ZC3H13: variants seen among roughly 807,000 people sequenced by gnomAD.
ZC3H13 encodes zinc finger CCCH domain-containing protein 13.
In ZC3H13, 64 loss-of-function variants were observed where a neutral mutation model predicts 204.1. The observed-to-expected ratio is 0.31, with a 90% confidence interval of 0.26 to 0.39. The LOEUF is 0.39. Among genes scored for constraint, ZC3H13 ranks in the 10% least tolerant of loss-of-function variants. The pLI, the probability that ZC3H13 is intolerant of heterozygous loss-of-function variation, is 1.00. For missense variants in ZC3H13, 1,833 were observed against 2,082.7 expected, an observed-to-expected ratio of 0.88 and a Z score of 2.33; for synonymous variants, 667 against 693.7, an observed-to-expected ratio of 0.96 and a Z score of 0.60.
chr13:46,027,717 A>G (rs948710147), intron 4 of ZC3H13, among the ~76,000 whole-genome samples: 1 of 152,190 alleles, frequency 6.6e-6, no homozygotes, highest in Non-Finnish European at 1.5e-5. Context: ...TTATAGATGA[A>G]GTAGTATAGT....
In ZC3H13 at chr13:45,985,700, A is replaced by T; in HGVS notation, c.1317T>A (p.Asp439Glu). The change falls in exon 10 of 19, where the codon GAT becomes GAA. Residue 439 changes from aspartate to glutamate, a missense_variant. Asp to Glu is a conservative substitution (Grantham distance 45). Transcript: ENST00000679008. The stretch of plus-strand genomic sequence containing the variant: ...CTCTGTGGTCTCTAGAAGAGCTCTG[A>T]TCCTGTTCATATTCTCGTTCTTCTC... ...DSREEREYEQ[D>E]QSSSRDHRDD... 3.1e-6 allele frequency: 5 copies of T among 1,613,110 alleles called. No individual in the cohort carries two copies. Among genetic ancestry groups the T allele is most frequent in the Non-Finnish European group, 4.2e-6 (5 of 1,179,744 alleles).
intron 17 of ZC3H13, among the ~76,000 whole-genome samples, chr13:45,960,210 G>A (rs1364299511): frequency 6.6e-6 from 1 of 151,986 alleles, no homozygotes; most frequent in Non-Finnish European, 1.5e-5. Flanking sequence ...GCCTGCCTCG[G>A]CCTCCCAAAG....
At chr13:45,996,602 C>T (rs2040350311) in intron 8 of ZC3H13, among the ~76,000 whole-genome samples, 1 of 152,192 alleles carries the variant, frequency 6.6e-6, no homozygotes, top group Non-Finnish European at 1.5e-5. Context: ...TATGCACTTG[C>T]TCGCTGATCA....
chr13:46,008,552 T>C (rs975988561), intron 7 of ZC3H13, among the ~76,000 whole-genome samples: 2 of 152,134 alleles, frequency 1.3e-5, no homozygotes, highest in Non-Finnish European at 2.9e-5. Context: ...AGATTGTATG[T>C]AAAAGATGAA....
intron 2 of ZC3H13, among the ~76,000 whole-genome samples, 163 bp downstream of exon 2, chr13:46,045,228 A>T (rs538368903): frequency 2.0e-5 from 3 of 152,228 alleles, no homozygotes; most frequent in Non-Finnish European, 4.4e-5. Context: ...AAAACCCATA[A>T]ACCTTATCAC....
chr13:46,006,582 GGT>G (rs1160090061), intron 7 of ZC3H13, among the ~76,000 whole-genome samples: 1 of 149,958 alleles, frequency 6.7e-6, no homozygotes, highest in Non-Finnish European at 1.5e-5. Flanking sequence ...TCATACATCT[GGT>G]GAGTTTTCAC....
chr13:46,036,539 C>A (rs2043219549), intron 4 of ZC3H13, among the ~76,000 whole-genome samples: 1 of 151,042 alleles, frequency 6.6e-6, no homozygotes, highest in Non-Finnish European at 1.5e-5. Context: ...GGAAAGAGAA[C>A]AACATTGTGA....
At chr13:46,021,699 T>C (rs910525826) in intron 4 of ZC3H13, among the ~76,000 whole-genome samples, 2 of 151,776 alleles carry the variant, frequency 1.3e-5, no homozygotes, top group African/African-American at 4.8e-5. Flanking sequence ...GTAAGTTATA[T>C]GAGAATAAAA....
intron 4 of ZC3H13, among the ~76,000 whole-genome samples, chr13:46,031,555 C>A (rs2042899939): frequency 6.6e-6 from 1 of 151,912 alleles, no homozygotes; most frequent in South Asian, 2.1e-4. Context: ...AGGACTGTTA[C>A]CAAAAACATA....
chr13:45,975,144 T>C lies in ZC3H13; in HGVS notation c.2468+139A>G, dbSNP rs1298525972. Reference sequence around the variant, plus strand: ...AAAAAACTTTAAACACCGATACATATACTAAATTTGAAAAACAGGAAAATA... The same window carrying C: ...AAAAAACTTTAAACACCGATACATACACTAAATTTGAAAAACAGGAAAATA... On this transcript the variant is annotated intron_variant, in intron 12 of 18. Transcript: ENST00000679008. 8 of 1,348,164 alleles carry C rather than the reference T, an allele frequency of 5.9e-6. No individual in the cohort carries two copies. The South Asian group carries it at 6.1e-5, about 10-fold the overall frequency. The allele number at this position is 1,348,164 out of a possible 1,614,324, so 83.5% of individuals were successfully genotyped here.
chr13:46,048,637 G>A (rs183048468), intron 1 of ZC3H13, among the ~76,000 whole-genome samples: 1 of 142,598 alleles, frequency 7.0e-6, no homozygotes, highest in Non-Finnish European at 1.5e-5. Flanking sequence ...GACTTGCTAT[G>A]AAAGACAATC....
intron 10 of ZC3H13, among the ~76,000 whole-genome samples, chr13:45,982,844 G>A (rs1476784129): frequency 6.6e-6 from 1 of 152,136 alleles, no homozygotes; most frequent in African/African-American, 2.4e-5. Flanking sequence ...TTAGATTTTG[G>A]AGCATTTCAG....
chr13:46,045,985 A>G (rs926647591), intron 1 of ZC3H13, among the ~76,000 whole-genome samples: 3 of 152,238 alleles, frequency 2.0e-5, no homozygotes, highest in Non-Finnish European at 4.4e-5. Context: ...AGCAGAAATT[A>G]TGTTTCATAA....
rs1175098333 is a variant in ZC3H13 at position 45,983,424 on chromosome 13, T to A, written c.1720+1873A>T. Among the ~76,000 whole-genome samples the A allele has an allele frequency of 2.0e-3, 138 of 70,068 alleles. 4 individuals are homozygous for A. Among genetic ancestry groups the A allele is most frequent in the African/African-American group, 5.2e-3 (64 of 12,266 alleles). The allele number at this position is 70,068 out of a possible 152,430, so 46.0% of individuals were successfully genotyped here. A position where few individuals can be genotyped will look rare whatever the true frequency, so the allele number is the denominator to read the frequency against. On this transcript the variant is annotated intron_variant, in intron 10 of 18. Coordinates refer to ENST00000679008, the MANE Select transcript of ZC3H13 (RefSeq NM_001330564.2). ...ACTTATATATATATATTTTTTTTTT[T>A]TTTTTTTTTTTTTTTTTTTTGAGAC...
intron 4 of ZC3H13, among the ~76,000 whole-genome samples, chr13:46,022,505 T>C (rs968312920): frequency 6.6e-6 from 1 of 152,006 alleles, no homozygotes; most frequent in African/African-American, 2.4e-5. Context: ...TCCAATGTAG[T>C]GTAGCACGGT....
intron 8 of ZC3H13, among the ~76,000 whole-genome samples, chr13:45,994,203 AT>A (rs1472237627): frequency 6.6e-6 from 1 of 152,208 alleles, no homozygotes; most frequent in East Asian, 1.9e-4. Flanking sequence ...TTACTTTGTA[AT>A]AACAATACAG....
chr13:46,051,336 C>A (rs1275485246), intron 1 of ZC3H13, among the ~76,000 whole-genome samples: 1 of 152,146 alleles, frequency 6.6e-6, no homozygotes, highest in East Asian at 1.9e-4. Flanking sequence ...GAGTGAAAGC[C>A]TTAGTTTCAG....
chr13:45,961,147 T>A (rs1322271984), intron 17 of ZC3H13, among the ~76,000 whole-genome samples: 1 of 152,124 alleles, frequency 6.6e-6, no homozygotes, highest in Admixed American at 6.5e-5. Context: ...TTTCAGATGA[T>A]TCAGATATAC....
chr13:45,959,507 TCGAATTG>T lies in ZC3H13; in HGVS notation c.4808_4814del (p.Ala1603GlufsTer12). The T allele has an allele frequency of 6.5e-7, 1 of 1,543,406 alleles. No homozygotes were observed. Among genetic ancestry groups the T allele is most frequent in the Non-Finnish European group, 8.7e-7 (1 of 1,144,340 alleles). Reference sequence around the variant, plus strand: ...CCTTCTCATTTTTAACAAGCTGCTTTCGAATTGCAGAATCCCGTCTGAAGCACAACGC... The same window carrying T: ...CCTTCTCATTTTTAACAAGCTGCTTTCAGAATCCCGTCTGAAGCACAACGC... On this transcript the variant is annotated frameshift_variant, in exon 18 of 19. Coordinates refer to ENST00000679008, the MANE Select transcript of ZC3H13 (RefSeq NM_001330564.2). LOFTEE classifies it high-confidence loss of function.
Sources: allele counts gnomAD v4.1 joint callset (sites outside exome capture counted in the v4.1 genomes callset), GRCh38; gene constraint gnomAD v4.1.1; transcripts MANE v1.5; gene names NCBI Gene and HGNC (gene_info 2026-07-23, HGNC 2026-07-21).